PRKCE: variants seen among roughly 807,000 people sequenced by gnomAD.
PRKCE encodes protein kinase C epsilon, also known as protein kinase C epsilon type.
PRKCE carries 16 observed loss-of-function variants against 85.4 expected under a neutral mutation model. The observed-to-expected ratio is 0.19, with a 90% confidence interval of 0.13 to 0.28. The LOEUF (loss-of-function observed/expected upper bound fraction) is 0.28. Ranked by LOEUF, PRKCE falls within the 10% of genes least tolerant of loss-of-function variation. The pLI, the probability that PRKCE is intolerant of heterozygous loss-of-function variation, is 1.00. For synonymous variants in PRKCE, 388 were observed against 371.5 expected, an observed-to-expected ratio of 1.04 and a Z score of -0.51; for missense variants, 573 against 975.2, an observed-to-expected ratio of 0.59 and a Z score of 5.49.
chr2:45,983,583 G>T (rs1703067780), intron 5 of PRKCE, among the ~76,000 whole-genome samples: 1 of 152,150 alleles, frequency 6.6e-6, no homozygotes, highest in African/African-American at 2.4e-5. Context: ...AGGTCTCATT[G>T]ACCCTGCCAT....
intron 1 of PRKCE, among the ~76,000 whole-genome samples, chr2:45,827,410 A>G (rs1004278351): frequency 4.6e-5 from 7 of 152,212 alleles, no homozygotes; most frequent in African/African-American, 1.7e-4. Context: ...GCTTCAGGAA[A>G]TATCTTCCCT....
chr2:45,908,662 C>G (rs573737899), intron 2 of PRKCE, among the ~76,000 whole-genome samples: 1 of 152,234 alleles, frequency 6.6e-6, no homozygotes, highest in African/African-American at 2.4e-5. Flanking sequence ...AGCCATGACT[C>G]ATTGTGAATG....
At chr2:45,758,990 C>G (rs1344878059) in intron 1 of PRKCE, among the ~76,000 whole-genome samples, 1 of 152,176 alleles carries the variant, frequency 6.6e-6, no homozygotes, top group Non-Finnish European at 1.5e-5. Flanking sequence ...AGTATCAGCA[C>G]TCATGAGATA....
At chr2:46,174,961 GA>G (rs1679284172) in intron 14 of PRKCE, among the ~76,000 whole-genome samples, 1 of 151,976 alleles carries the variant, frequency 6.6e-6, no homozygotes, top group African/African-American at 2.4e-5. Flanking sequence ...GAAGTGCTGG[GA>G]TTACAGGCAT....
intron 7 of PRKCE, among the ~76,000 whole-genome samples, chr2:46,002,466 T>C (rs555649864): frequency 1.1e-4 from 17 of 152,368 alleles, no homozygotes; most frequent in African/African-American, 3.8e-4. Context: ...ATTTCCTACA[T>C]TTCCTGGTCA....
intron 1 of PRKCE, among the ~76,000 whole-genome samples, chr2:45,714,052 A>G (rs1376981079): frequency 6.6e-6 from 1 of 152,254 alleles, no homozygotes; most frequent in Non-Finnish European, 1.5e-5. Flanking sequence ...TGTCATAATT[A>G]TTTCATGAAC....
rs35173223 is a variant in PRKCE at position 45,743,994 on chromosome 2, G to GTT, written c.348+91561_348+91562dup. Among the ~76,000 whole-genome samples, 688 of 131,900 alleles carry GTT rather than the reference G, an allele frequency of 5.2e-3. 3 individuals carry two copies. The highest frequency in any genetic ancestry group is 0.015 in the African/African-American group (439 of 29,606). The allele number at this position is 131,900 out of a possible 152,430, so 86.5% of individuals were successfully genotyped here. On this transcript the variant is annotated intron_variant, in intron 1 of 14. Coordinates refer to ENST00000306156, the MANE Select transcript of PRKCE (RefSeq NM_005400.3). ...TAGATTGTAGATTTGGCCGTTGTGT[G>GTT]TTTTTTTTTTTTTTTTCCAGATAAT...
intron 1 of PRKCE, among the ~76,000 whole-genome samples, chr2:45,712,168 A>G (rs1205953636): frequency 6.6e-5 from 4 of 60,860 alleles, no homozygotes; most frequent in Non-Finnish European, 1.3e-4. Flanking sequence ...TTTTTTTGAG[A>G]CAGAGTTTTG....
At chr2:45,699,168 C>G (rs182509745) in intron 1 of PRKCE, among the ~76,000 whole-genome samples, 4 of 152,130 alleles carry the variant, frequency 2.6e-5, no homozygotes, top group Admixed American at 2.0e-4. Flanking sequence ...TGTCCTCCTC[C>G]CTGTCTGCTG....
chr2:46,018,382 G>A (rs1391977749), intron 10 of PRKCE, among the ~76,000 whole-genome samples: 4 of 151,954 alleles, frequency 2.6e-5, no homozygotes, highest in Non-Finnish European at 4.4e-5. Flanking sequence ...TCATGGGAGC[G>A]TAAAACTGCT....
At chr2:46,175,039 C>CTTCA (rs1679294666) in intron 14 of PRKCE, among the ~76,000 whole-genome samples, 1 of 151,850 alleles carries the variant, frequency 6.6e-6, no homozygotes, top group African/African-American at 2.4e-5. Context: ...GCTAAAATTG[C>CTTCA]TTCCTTCCTT....
chr2:46,040,510 A>T (rs1362113882), intron 10 of PRKCE, among the ~76,000 whole-genome samples: 1 of 152,130 alleles, frequency 6.6e-6, no homozygotes, highest in Non-Finnish European at 1.5e-5. Context: ...TTGAATCTTC[A>T]TGGTGGGGCC....
At chr2:45,727,402 A>G (rs1379659325) in intron 1 of PRKCE, among the ~76,000 whole-genome samples, 1 of 152,186 alleles carries the variant, frequency 6.6e-6, no homozygotes, top group African/African-American at 2.4e-5. Context: ...GGTACCTCTA[A>G]TGGGAGAGAT....
intron 2 of PRKCE, among the ~76,000 whole-genome samples, chr2:45,846,007 CT>C (rs1330308101): frequency 6.6e-6 from 1 of 152,168 alleles, no homozygotes; most frequent in Non-Finnish European, 1.5e-5. Flanking sequence ...GTGCTAGGCA[CT>C]TTACCTACAT....
intron 10 of PRKCE, among the ~76,000 whole-genome samples, chr2:46,052,091 T>C (rs902679319): frequency 6.6e-6 from 1 of 152,148 alleles, no homozygotes; most frequent in Non-Finnish European, 1.5e-5. Flanking sequence ...TGCTTTTCAG[T>C]GCATGGGAAG....
At chr2:45,739,554 C>T (rs756463643) in intron 1 of PRKCE, among the ~76,000 whole-genome samples, 8 of 151,944 alleles carry the variant, frequency 5.3e-5, no homozygotes, top group Non-Finnish European at 1.0e-4. Context: ...AAAAACCTGA[C>T]GTTTATATAA....
At chr2:45,908,950 G>A (rs1351160340) in intron 2 of PRKCE, among the ~76,000 whole-genome samples, 2 of 152,120 alleles carry the variant, frequency 1.3e-5, no homozygotes, top group Non-Finnish European at 1.5e-5. Flanking sequence ...TGATTTCTAT[G>A]TCTAATCGAT....
At chr2:46,057,811 A>G (rs999892505) in intron 10 of PRKCE, among the ~76,000 whole-genome samples, 1 of 152,202 alleles carries the variant, frequency 6.6e-6, no homozygotes, top group African/African-American at 2.4e-5. Flanking sequence ...AATGGAGATC[A>G]GGACATAGCC....
chr2:46,135,862 G>A (rs887816359), intron 11 of PRKCE, among the ~76,000 whole-genome samples: 3 of 147,014 alleles, frequency 2.0e-5, no homozygotes, highest in African/African-American at 5.0e-5. Flanking sequence ...GTGATGGGAG[G>A]TGCCTATGTA....
Sources: gnomAD v4.1 joint callset for allele counts (sites outside exome capture counted in the v4.1 genomes callset) on GRCh38, gnomAD v4.1.1 for gene constraint, MANE v1.5 for transcripts, NCBI Gene and HGNC (gene_info 2026-07-23, HGNC 2026-07-21) for gene names.